TEK: variants seen among roughly 807,000 people sequenced by gnomAD.
TEK encodes the protein TEK receptor tyrosine kinase, also known as angiopoietin-1 receptor.
Under a neutral mutation model 131.8 loss-of-function variants are expected in TEK, and 43 were observed. The observed-to-expected ratio is 0.33, with a 90% CI of 0.26 to 0.42. The LOEUF (loss-of-function observed/expected upper bound fraction) is 0.42, where lower values mean the gene tolerates loss of function less well. Ranked by LOEUF, TEK falls within the 10% of genes least tolerant of loss-of-function variation. TEK has a pLI of 1.00. For synonymous variants in TEK, 580 were observed against 491.6 expected (o/e 1.18, Z -2.38); for missense variants, 1,162 against 1,384.4 (o/e 0.84, Z 2.55).
intron 1 of TEK, among the ~76,000 whole-genome samples, chr9:27,125,027 A>G (rs1333219343): frequency 6.6e-6 from 1 of 152,108 alleles, no homozygotes; most frequent in Non-Finnish European, 1.5e-5. Context: ...TCATAACTGC[A>G]TCATAGCCAC....
chr9:27,184,055 C>T (rs1054171609), intron 8 of TEK, among the ~76,000 whole-genome samples: 13 of 152,076 alleles, frequency 8.5e-5, no homozygotes, highest in South Asian at 4.2e-4. Context: ...TTTTGATGAC[C>T]GGTCCACTCC....
At chr9:27,162,652 A>G (rs2131129668) in intron 2 of TEK, among the ~76,000 whole-genome samples, 1 of 152,342 alleles carries the variant, frequency 6.6e-6, no homozygotes, top group East Asian at 1.9e-4. Context: ...ATATGTTAAA[A>G]GCATCAAGAA....
rs2131228615 is a variant in TEK, at chr9:27,213,021, T to G, written c.2877+124T>G. The G allele has an allele frequency of 2.8e-6, 3 of 1,063,908 alleles. No individual in the cohort carries two copies. In the East Asian group the frequency reaches 7.8e-5, roughly 28 times the overall value. The allele number at this position is 1,063,908 out of a possible 1,614,324, so 65.9% of individuals were successfully genotyped here. ...ACTCCTTCTTAAAATCTCCCTCATT[T>G]TAATCTCTCTGTGAATAGTCCATCT... is the stretch of plus-strand genomic sequence containing the variant. On this transcript the variant is annotated intron_variant, in intron 17 of 22. Coordinates refer to ENST00000380036, the MANE Select transcript of TEK (RefSeq NM_000459.5).
intron 12 of TEK, among the ~76,000 whole-genome samples, chr9:27,201,547 G>C (rs1825213779): frequency 6.6e-6 from 1 of 152,112 alleles, no homozygotes; most frequent in South Asian, 2.1e-4. Context: ...ACATACTGTT[G>C]ATTAATTGTG....
chr9:27,139,253 A>G (rs942452346), intron 1 of TEK, among the ~76,000 whole-genome samples: 14 of 146,694 alleles, frequency 9.5e-5, no homozygotes, highest in Non-Finnish European at 1.5e-4. Flanking sequence ...TTTATTGTCT[A>G]AAAATCCTGT....
chr9:27,210,758 A>G (rs7866473), intron 16 of TEK: 50,347 of 152,074 alleles, frequency 0.33, 9,289 homozygotes, highest in East Asian at 0.59. Flanking sequence ...AAAAAAAACC[A>G]CAACAACAAA....
At chr9:27,147,473 G>C (rs1330850471) in intron 1 of TEK, among the ~76,000 whole-genome samples, 1 of 151,580 alleles carries the variant, frequency 6.6e-6, no homozygotes, top group African/African-American at 2.4e-5. Flanking sequence ...ATGCATTCTA[G>C]ATGCAAGTCA....
chr9:27,154,531 C>A (rs1338162260), intron 1 of TEK, among the ~76,000 whole-genome samples: 5 of 152,206 alleles, frequency 3.3e-5, no homozygotes, highest in African/African-American at 9.7e-5. Flanking sequence ...GCCCCAACTA[C>A]CCAGTTCCCC....
chr9:27,179,374 A>C (rs1276883100), intron 6 of TEK, among the ~76,000 whole-genome samples: 1 of 152,042 alleles, frequency 6.6e-6, no homozygotes, highest in African/African-American at 2.4e-5. Flanking sequence ...CTTTTACCTT[A>C]CTGAGCATAG....
intron 11 of TEK, among the ~76,000 whole-genome samples, chr9:27,194,748 G>A (rs1824946124): frequency 6.6e-6 from 1 of 152,144 alleles, no homozygotes; most frequent in Non-Finnish European, 1.5e-5. Context: ...TCAGGGGTAG[G>A]CGGGAAGGGG....
intron 21 of TEK, among the ~76,000 whole-genome samples, chr9:27,226,127 TTGG>T (rs1191717533): frequency 2.6e-5 from 4 of 152,208 alleles, no homozygotes; most frequent in East Asian, 1.9e-4. Context: ...TTTTACACTG[TTGG>T]TGGGAGTGTA....
intron 9 of TEK, among the ~76,000 whole-genome samples, chr9:27,187,940 C>T (rs1298436956): frequency 3.3e-5 from 5 of 152,050 alleles, no homozygotes; most frequent in East Asian, 1.9e-4. Flanking sequence ...TGTCCAGATA[C>T]GGTTACATCC....
Position 27,209,192 on chromosome 9 carries a change from C to G in TEK, c.2647C>G (p.Pro883Ala), listed in dbSNP as rs1490428165. The change falls in exon 16 of 23, where the codon CCA becomes GCA. Residue 883 changes from proline to alanine, a missense_variant. Transcript: ENST00000380036. ...AGTTCTTTGTAAACTTGGACACCATCCAAACATCATCAATCTCTTAGGAGC... is the reference window on the plus strand; with the variant it reads ...AGTTCTTTGTAAACTTGGACACCATGCAAACATCATCAATCTCTTAGGAGC... The part of the protein sequence containing the change: ...LEVLCKLGHH[P>A]NIINLLGACE... 6.2e-7 allele frequency: 1 copy of G among 1,613,986 alleles called. No individual in the cohort carries two copies. Among genetic ancestry groups the G allele is most frequent in the Non-Finnish European group, 8.5e-7 (1 of 1,179,898 alleles).
intron 12 of TEK, 115 bp from the exon 13 acceptor site, chr9:27,202,705 A>G: frequency 1.1e-5 from 12 of 1,109,218 alleles, no homozygotes; most frequent in Non-Finnish European, 1.6e-5. Context: ...GGGGTACCAT[A>G]TGAGAAAACA....
intron 21 of TEK, among the ~76,000 whole-genome samples, chr9:27,223,521 G>C (rs891815089): frequency 3.4e-4 from 51 of 152,174 alleles, no homozygotes; most frequent in African/African-American, 1.2e-3. Flanking sequence ...ATGACTACTG[G>C]GTAAATAACG....
intron 14 of TEK, among the ~76,000 whole-genome samples, chr9:27,205,676 A>G (rs1338698123): frequency 1.3e-5 from 2 of 152,170 alleles, no homozygotes; most frequent in African/African-American, 4.8e-5. Context: ...AAGGCCTATA[A>G]AAATCACACT....
intron 1 of TEK, among the ~76,000 whole-genome samples, chr9:27,129,777 G>A (rs1464494000): frequency 2.6e-5 from 4 of 152,024 alleles, no homozygotes; most frequent in South Asian, 2.1e-4. Context: ...CATCTTAAAC[G>A]CATGATCCAT....
chr9:27,157,527 C>T (rs1378873871), intron 1 of TEK, among the ~76,000 whole-genome samples: 1 of 152,138 alleles, frequency 6.6e-6, no homozygotes, highest in Non-Finnish European at 1.5e-5. Context: ...CTTAATACTA[C>T]ATACATTTCC....
intron 1 of TEK, among the ~76,000 whole-genome samples, chr9:27,151,192 G>T (rs1823115388): frequency 6.6e-6 from 1 of 152,150 alleles, no homozygotes; most frequent in Non-Finnish European, 1.5e-5. Flanking sequence ...TTATTGCTCA[G>T]AGACTTACTA....
Sources: allele counts gnomAD v4.1 joint callset (sites outside exome capture counted in the v4.1 genomes callset), GRCh38; gene constraint gnomAD v4.1.1; transcripts MANE v1.5; gene names NCBI Gene and HGNC (gene_info 2026-07-23, HGNC 2026-07-21).